Variants in DIAPH2 observed in about 807,000 individuals in gnomAD.
DIAPH2 encodes protein diaphanous homolog 2.
Under a neutral mutation model 92.7 loss-of-function variants are expected in DIAPH2, and 35 were observed. The ratio of observed to expected loss-of-function variants is 0.38; its 90% CI spans 0.29 to 0.50. The LOEUF (loss-of-function observed/expected upper bound fraction) is 0.50, where lower values mean the gene tolerates loss of function less well. Ranked by LOEUF, DIAPH2 falls within the 20% of genes least tolerant of loss-of-function variation. The pLI is 0.94. For synonymous variants in DIAPH2, 301 were observed against 280.4 expected (o/e 1.07, Z -0.73); for missense variants, 701 against 819.5 (o/e 0.86, Z 1.77).
chrX:97,005,405 A>G (rs763565597), intron 17 of DIAPH2, among the ~76,000 whole-genome samples: 27 of 109,302 alleles, frequency 2.5e-4, no homozygotes, highest in Non-Finnish European at 4.8e-4. Flanking sequence ...AGAATTTAGC[A>G]GTGAAACCGT....
intron 4 of DIAPH2, among the ~76,000 whole-genome samples, chrX:96,760,588 A>T (rs2064261445): frequency 9.0e-6 from 1 of 111,239 alleles, no homozygotes; most frequent in South Asian, 3.7e-4. Flanking sequence ...CTAAAACCAG[A>T]TTTTAGATAG....
chrX:97,034,826 G>A (rs1734987217), intron 17 of DIAPH2, among the ~76,000 whole-genome samples: 1 of 110,783 alleles, frequency 9.0e-6, no homozygotes, highest in African/African-American at 3.3e-5. Flanking sequence ...CAGTGAGCAT[G>A]GTATTTTTCT....
intron 22 of DIAPH2, among the ~76,000 whole-genome samples, chrX:97,159,234 G>A (rs1249506129): frequency 4.5e-5 from 5 of 112,022 alleles, no homozygotes; most frequent in Admixed American, 1.9e-4. Flanking sequence ...GTTGGCAAAT[G>A]CCTTTTCAAC....
At chrX:97,466,133 AAT>A (rs2147806218) in intron 26 of DIAPH2, among the ~76,000 whole-genome samples, 1 of 112,113 alleles carries the variant, frequency 8.9e-6, no homozygotes. Context: ...TTGGCTCTGA[AAT>A]ATTTGTTTTG....
rs181986790 is a variant in DIAPH2 at position 97,328,870 on chromosome X, A to G, written c.2845-19246A>G. On this transcript the variant is annotated intron_variant, in intron 23 of 26. Transcript: ENST00000324765. ...TATCTAAATTAATTTTCACCCGCTAATGAATATTAGGAAGCACTATACATC... is the reference window on the plus strand; with the variant it reads ...TATCTAAATTAATTTTCACCCGCTAGTGAATATTAGGAAGCACTATACATC... Among the ~76,000 whole-genome samples, 470 of 111,495 alleles carry G rather than the reference A, an allele frequency of 4.2e-3. 3 individuals are homozygous for G. Among genetic ancestry groups the G allele is most frequent in the African/African-American group, 0.013 (411 of 30,751 alleles).
chrX:97,269,862 C>A (rs1180991588), intron 23 of DIAPH2, among the ~76,000 whole-genome samples: 1 of 109,284 alleles, frequency 9.2e-6, no homozygotes, highest in Non-Finnish European at 1.9e-5. Flanking sequence ...AAGCGATTCT[C>A]CTGCCTCAGC....
intron 22 of DIAPH2, among the ~76,000 whole-genome samples, chrX:97,176,505 GTTTGTTTTGT>G (rs150874105): frequency 2.7e-4 from 28 of 103,903 alleles, no homozygotes; most frequent in East Asian, 6.0e-4. Context: ...GTGTTTTTTT[GTTTGTTTTGT>G]TTTGTTTTGT....
At chrX:97,185,472 CACAT>C (rs2067590293) in intron 22 of DIAPH2, among the ~76,000 whole-genome samples, 2 of 7,177 alleles carry the variant, frequency 2.8e-4, no homozygotes, top group Non-Finnish European at 4.4e-4. Context: ...TATATATATA[CACAT>C]ATATATATAT....
At chrX:97,363,199 G>C in intron 24 of DIAPH2, among the ~76,000 whole-genome samples, 1 of 112,088 alleles carries the variant, frequency 8.9e-6, no homozygotes, top group East Asian at 2.8e-4. Context: ...TCTACTTTTA[G>C]ACACAGATCA....
intron 23 of DIAPH2, among the ~76,000 whole-genome samples, chrX:97,263,423 A>G (rs1253741683): frequency 1.8e-5 from 2 of 111,599 alleles, no homozygotes; most frequent in Non-Finnish European, 3.8e-5. Context: ...GAATGCTAGA[A>G]TATTTTTTTA....
At chrX:97,322,503 T>C (rs1421631922) in intron 23 of DIAPH2, among the ~76,000 whole-genome samples, 1 of 111,348 alleles carries the variant, frequency 9.0e-6, no homozygotes, top group Non-Finnish European at 1.9e-5. Flanking sequence ...TAACCATTCA[T>C]CTCTGTTTTT....
intron 24 of DIAPH2, among the ~76,000 whole-genome samples, chrX:97,355,404 TA>T (rs747177499): frequency 4.1e-3 from 409 of 98,913 alleles, no homozygotes; most frequent in East Asian, 6.6e-3. Context: ...CACTTGACAT[TA>T]AAAAAAAAAA....
chrX:96,720,623 G>GA (rs992191094), intron 1 of DIAPH2, among the ~76,000 whole-genome samples: 1 of 111,554 alleles, frequency 9.0e-6, no homozygotes. Context: ...TGCTGGCAGG[G>GA]AAAAGAGAAG....
At chrX:97,422,034 T>C (rs1311985173) in intron 25 of DIAPH2, among the ~76,000 whole-genome samples, 2 of 111,936 alleles carry the variant, frequency 1.8e-5, no homozygotes, top group Non-Finnish European at 3.8e-5. Context: ...TAATATATGA[T>C]GATAGATATT....
At chrX:96,797,353 T>C (rs779838693) in intron 4 of DIAPH2, among the ~76,000 whole-genome samples, 7 of 111,400 alleles carry the variant, frequency 6.3e-5, no homozygotes, top group Non-Finnish European at 1.3e-4. Flanking sequence ...TGGTAGCACA[T>C]GCCTGTAATC....
intron 22 of DIAPH2, among the ~76,000 whole-genome samples, chrX:97,172,754 C>A (rs768614477): frequency 3.6e-5 from 4 of 111,692 alleles, no homozygotes; most frequent in Non-Finnish European, 7.5e-5. Flanking sequence ...ATTCGTGCTG[C>A]TATTTAACAA....
intron 26 of DIAPH2, among the ~76,000 whole-genome samples, chrX:97,574,969 A>T (rs1020628815): frequency 8.9e-6 from 1 of 112,472 alleles, no homozygotes; most frequent in Non-Finnish European, 1.9e-5. Flanking sequence ...GACAGTGGAG[A>T]TAATGCAGAA....
At chrX:96,703,040 A>G (rs778750900) in intron 1 of DIAPH2, among the ~76,000 whole-genome samples, 9 of 111,990 alleles carry the variant, frequency 8.0e-5, no homozygotes, top group African/African-American at 2.9e-4. Context: ...ATGACAACGC[A>G]TAACTGCAAG....
intron 22 of DIAPH2, among the ~76,000 whole-genome samples, chrX:97,145,224 A>G (rs997746203): frequency 1.8e-5 from 2 of 110,238 alleles, no homozygotes; most frequent in African/African-American, 6.6e-5. Flanking sequence ...GTAAAATGGT[A>G]TAGTTTATAG....
Sources: allele counts gnomAD v4.1 joint callset (sites outside exome capture counted in the v4.1 genomes callset), GRCh38; gene constraint gnomAD v4.1.1; transcripts MANE v1.5; gene names NCBI Gene and HGNC (gene_info 2026-07-23, HGNC 2026-07-21).